The following NUP160 variants were observed in gnomAD, a reference collection of about 807,000 sequenced individuals.
NUP160 encodes nucleoporin 160.
In NUP160, 94 loss-of-function variants were observed where a neutral mutation model predicts 196.9. The ratio of observed to expected loss-of-function variants is 0.48; its 90% CI spans 0.40 to 0.57. The LOEUF (loss-of-function observed/expected upper bound fraction) is 0.57, where lower values mean the gene tolerates loss of function less well. Among genes scored for constraint, NUP160 ranks in the 20% least tolerant of loss-of-function variants. NUP160 has a pLI of 0.00. For synonymous variants in NUP160, 605 were observed against 619.7 expected (o/e 0.98, Z 0.35); for missense variants, 1,638 against 1,748.3 (o/e 0.94, Z 1.13).
exon 34 of NUP160, chr11:47,783,150 A>G (rs2097662466): frequency 6.2e-7 from 1 of 1,613,852 alleles, no homozygotes; most frequent in African/African-American, 1.3e-5. Context: ...GCTTCTTCTA[A>G]AAGGTCATAG....
intron 8 of NUP160, 91 bp downstream of exon 8, chr11:47,821,996 T>A (rs1851867715): frequency 2.9e-6 from 3 of 1,018,440 alleles, no homozygotes; most frequent in Non-Finnish European, 4.5e-6. Flanking sequence ...TAATTCCATT[T>A]TAAGACTACA....
intron 23 of NUP160, among the ~76,000 whole-genome samples, chr11:47,800,040 G>C (rs2097673242): frequency 6.6e-6 from 1 of 151,966 alleles, no homozygotes. Context: ...GATCACTAGA[G>C]GCCAGGAGTT....
At chr11:47,847,928 T>C (rs1214454865) in exon 2 of NUP160, 2 of 1,614,028 alleles carry the variant, frequency 1.2e-6, no homozygotes, top group Admixed American at 3.3e-5. Context: ...TTTCACTGTA[T>C]TTTACGGCGC....
intron 28 of NUP160, chr11:47,792,227 A>G (rs1041100945): frequency 2.4e-6 from 1 of 422,992 alleles, no homozygotes; most frequent in African/African-American, 2.0e-5. Context: ...TTTGATCTCC[A>G]TGTAAATCAA....
chr11:47,784,995 T>G (rs1198667831), exon 33 of NUP160: 17 of 1,603,682 alleles, frequency 1.1e-5, no homozygotes, highest in Non-Finnish European at 1.4e-5. Context: ...ACAGTGGTGA[T>G]ACAAGTTATT....
chr11:47,803,311 C>G, intron 22 of NUP160, 127 bp downstream of exon 22: 4 of 637,866 alleles, frequency 6.3e-6, no homozygotes, highest in East Asian at 2.7e-5. Flanking sequence ...GGCATTAGTA[C>G]AGTCTTCTTT....
chr11:47,841,036 T>G (rs974908082), intron 2 of NUP160, among the ~76,000 whole-genome samples: 2 of 147,840 alleles, frequency 1.4e-5, no homozygotes, highest in Non-Finnish European at 3.0e-5. Context: ...ACACACAGAA[T>G]AGCAATTTTA....
At chr11:47,818,454 C>A (rs1411733199) in intron 10 of NUP160, among the ~76,000 whole-genome samples, 1 of 152,056 alleles carries the variant, frequency 6.6e-6, no homozygotes. Context: ...AACAAGTAAA[C>A]GAAGCTGGTT....
At chr11:47,835,798 G>A in exon 7 of NUP160, 1 of 1,587,252 alleles carries the variant, frequency 6.3e-7, no homozygotes, top group African/African-American at 1.4e-5. Context: ...CTACCATTAG[G>A]CACATTTGCT....
chr11:47,829,832 C>A (rs1852039829), intron 7 of NUP160, among the ~76,000 whole-genome samples: 1 of 152,140 alleles, frequency 6.6e-6, no homozygotes, highest in African/African-American at 2.4e-5. Context: ...GACGAAGACA[C>A]TAAAAGCAAT....
chr11:47,796,840 C>T (rs534363512), intron 27 of NUP160, among the ~76,000 whole-genome samples: 18 of 152,274 alleles, frequency 1.2e-4, no homozygotes, highest in Admixed American at 7.8e-4. Context: ...TTACAGGCAT[C>T]CGCCACCATG....
chr11:47,807,346 C>G (rs1185341114), intron 18 of NUP160, among the ~76,000 whole-genome samples: 1 of 152,092 alleles, frequency 6.6e-6, no homozygotes, highest in African/African-American at 2.4e-5. Context: ...GGAGCCAGAG[C>G]AAACAGGATG....
intron 7 of NUP160, among the ~76,000 whole-genome samples, chr11:47,825,430 C>A (rs1282347546): frequency 6.6e-6 from 1 of 150,942 alleles, no homozygotes; most frequent in African/African-American, 2.4e-5. Context: ...TAGGTCCCCA[C>A]CACCATGCCC....
At chr11:47,804,412 T>C (rs550986113) in intron 21 of NUP160, 137 bp downstream of exon 21, 1 of 621,046 alleles carries the variant, frequency 1.6e-6, no homozygotes, top group Admixed American at 3.6e-5. Flanking sequence ...GAACAATCTC[T>C]TTGGGGTATG....
In NUP160 at chr11:47,788,176, A is replaced by G; in HGVS notation, c.3746+6T>C. The G allele has an allele frequency of 6.2e-7, 1 of 1,605,618 alleles. No homozygotes were observed. The highest frequency in any genetic ancestry group is 8.5e-7 in the Non-Finnish European group (1 of 1,175,678). ...AAAGACTATAAAAAAATAATTTTAT[A>G]CATACTTGAAGGCAAGCCCTTCAAA... On this transcript the variant is annotated splice_donor_region_variant and intron_variant, in intron 31 of 35. Coordinates refer to ENST00000378460, the Ensembl canonical transcript of NUP160.
chr11:47,818,856 G>A (rs1204093576), intron 10 of NUP160, among the ~76,000 whole-genome samples: 1 of 152,044 alleles, frequency 6.6e-6, no homozygotes, highest in Non-Finnish European at 1.5e-5. Flanking sequence ...TAAACTCTTG[G>A]GATTAAGAGT....
intron 34 of NUP160, 60 bp downstream of exon 34, chr11:47,783,013 T>C (rs2097662366): frequency 6.9e-7 from 1 of 1,441,572 alleles, no homozygotes; most frequent in Non-Finnish European, 9.7e-7. Context: ...CAAACCACTG[T>C]AAAGTTGAAA....
intron 11 of NUP160, among the ~76,000 whole-genome samples, chr11:47,816,783 A>G (rs1200818539): frequency 0.057 from 30 of 530 alleles, no homozygotes; most frequent in East Asian, 0.25. Flanking sequence ...CTCAAAGGGA[A>G]AAAAAAAAAA....
intron 9 of NUP160, among the ~76,000 whole-genome samples, chr11:47,820,576 G>GGAC (rs1443792299): frequency 2.6e-5 from 4 of 151,792 alleles, no homozygotes; most frequent in Non-Finnish European, 5.9e-5. Flanking sequence ...TTTTTGAGAT[G>GGAC]GAGTCTCACT....
Sources: gnomAD v4.1 joint callset for allele counts (sites outside exome capture counted in the v4.1 genomes callset) on GRCh38, gnomAD v4.1.1 for gene constraint, MANE v1.5 for transcripts, NCBI Gene and HGNC (gene_info 2026-07-23, HGNC 2026-07-21) for gene names.